Variants in ZNG1B observed in about 807,000 individuals in gnomAD.
ZNG1B encodes the protein zinc-regulated GTPase metalloprotein activator 1B.
At chr2:113,445,201 C>T in the ZNG1B span, 17 of 1,004,296 alleles carry the variant, frequency 1.7e-5, no homozygotes, top group Non-Finnish European at 2.3e-5. Context: ...GAAAAGTACT[C>T]GGTTGTCATT....
the ZNG1B span, chr2:113,438,167 C>G: frequency 8.5e-6 from 13 of 1,533,722 alleles, no homozygotes; most frequent in Admixed American, 5.2e-5. Flanking sequence ...ACTTGCTTCT[C>G]GTATGGGTTG....
At chr2:113,453,754 TA>T in the ZNG1B span, among the ~76,000 whole-genome samples, 2 of 120,014 alleles carry the variant, frequency 1.7e-5, no homozygotes, top group Non-Finnish European at 3.5e-5. Context: ...AGGTTTTCTT[TA>T]AAAAAAAAAT....
At chr2:113,490,556 G>A in the ZNG1B span, among the ~76,000 whole-genome samples, 1 of 152,112 alleles carries the variant, frequency 6.6e-6, no homozygotes, top group African/African-American at 2.4e-5. Flanking sequence ...CTGGTTCTTT[G>A]AAAAGATAAA....
the ZNG1B span, among the ~76,000 whole-genome samples, chr2:113,487,373 A>G: frequency 6.6e-6 from 1 of 152,134 alleles, no homozygotes; most frequent in Non-Finnish European, 1.5e-5. Flanking sequence ...TATATTTTTT[A>G]TTGTGGTAAA....
the ZNG1B span, among the ~76,000 whole-genome samples, chr2:113,476,278 G>A: frequency 7.2e-5 from 11 of 151,798 alleles, no homozygotes; most frequent in South Asian, 2.1e-4. Context: ...CCAGTTGATC[G>A]CATCGGCTCC....
At chr2:113,477,846 A>G in the ZNG1B span, among the ~76,000 whole-genome samples, 1 of 152,132 alleles carries the variant, frequency 6.6e-6, no homozygotes, top group African/African-American at 2.4e-5. Context: ...AGCCCCTGGC[A>G]TCCACCATTC....
At chr2:113,462,856 A>C in the ZNG1B span, 1 of 365,694 alleles carries the variant, frequency 2.7e-6, no homozygotes, top group Non-Finnish European at 4.8e-6. Context: ...GTCTTTACTC[A>C]TAATGTATTC....
At chr2:113,464,719 A>G in the ZNG1B span, among the ~76,000 whole-genome samples, 2,993 of 150,602 alleles carry the variant, frequency 0.02, 84 homozygotes, top group African/African-American at 0.069. Flanking sequence ...TAGTGTGTAT[A>G]TAGCCATTTC....
At chr2:113,457,575 AG>A in the ZNG1B span, among the ~76,000 whole-genome samples, 1 of 149,646 alleles carries the variant, frequency 6.7e-6, no homozygotes, top group Admixed American at 6.8e-5. Context: ...CCCTTCATGA[AG>A]TTAGGTCTAC....
the ZNG1B span, among the ~76,000 whole-genome samples, chr2:113,491,948 C>T: frequency 8.2e-6 from 1 of 122,486 alleles, no homozygotes; most frequent in Non-Finnish European, 1.7e-5. Context: ...TACCACCTTA[C>T]TTCTGCAAGA....
At chr2:113,474,129 G>T in the ZNG1B span, among the ~76,000 whole-genome samples, 1 of 151,738 alleles carries the variant, frequency 6.6e-6, no homozygotes, top group Non-Finnish European at 1.5e-5. Context: ...GACTCTTTTT[G>T]GTTGGTAAGC....
At chr2:113,486,837 A>G in the ZNG1B span, among the ~76,000 whole-genome samples, 1 of 152,284 alleles carries the variant, frequency 6.6e-6, no homozygotes, top group South Asian at 2.1e-4. Context: ...TAGTTTTCCA[A>G]CTTGCATTAA....
the ZNG1B span, among the ~76,000 whole-genome samples, chr2:113,455,824 G>A: frequency 8.0e-6 from 1 of 124,812 alleles, no homozygotes; most frequent in African/African-American, 3.1e-5. Context: ...AGGTTCAAGC[G>A]ATTCCCTTGT....
At chr2:113,483,197 G>A in the ZNG1B span, among the ~76,000 whole-genome samples, 2,691 of 148,214 alleles carry the variant, frequency 0.018, no homozygotes, top group Non-Finnish European at 0.029. Flanking sequence ...GGTAAAGAAC[G>A]TGATGCCAAG....
At chr2:113,471,762 G>A in the ZNG1B span, among the ~76,000 whole-genome samples, 1 of 151,386 alleles carries the variant, frequency 6.6e-6, no homozygotes, top group Non-Finnish European at 1.5e-5. Context: ...GATAGTTTAT[G>A]GAGAATGATG....
the ZNG1B span, among the ~76,000 whole-genome samples, chr2:113,483,186 G>A: frequency 6.6e-6 from 1 of 152,268 alleles, no homozygotes; most frequent in Admixed American, 6.5e-5. Flanking sequence ...TTGAGCTTCT[G>A]GGTAAAGAAC....
At chr2:113,438,092 C>A in the ZNG1B span, 1 of 1,608,250 alleles carries the variant, frequency 6.2e-7, no homozygotes, top group South Asian at 1.1e-5. Context: ...CTGCCGGTGC[C>A]TCTTCTCCTG....
At chr2:113,481,943 T>G in the ZNG1B span, 1 of 553,290 alleles carries the variant, frequency 1.8e-6, no homozygotes, top group South Asian at 2.4e-5. Context: ...TTTCTCTTTA[T>G]TCTGTGCATA....
chr2:113,462,454 G>T, the ZNG1B span: 3 of 1,599,018 alleles, frequency 1.9e-6, no homozygotes, highest in Admixed American at 5.0e-5. Flanking sequence ...AACAGACTTG[G>T]TTCCAGAAGA....
Sources: allele counts gnomAD v4.1 joint callset (sites outside exome capture counted in the v4.1 genomes callset), GRCh38; gene constraint gnomAD v4.1.1; transcripts MANE v1.5; gene names NCBI Gene and HGNC (gene_info 2026-07-23, HGNC 2026-07-21).